Variants in SPIRE1 observed in about 807,000 individuals in gnomAD.
The protein encoded by SPIRE1 is protein spire homolog 1.
SPIRE1 carries 40 observed loss-of-function variants against 94.1 expected under a neutral mutation model. That is an observed-to-expected ratio of 0.43 (90% confidence interval 0.33 to 0.55). The LOEUF (loss-of-function observed/expected upper bound fraction) is 0.55. Among genes scored for constraint, SPIRE1 ranks in the 20% least tolerant of loss-of-function variants. SPIRE1 has a pLI of 0.06. For missense variants in SPIRE1, 838 were observed against 975.2 expected (o/e 0.86, Z 1.87); for synonymous variants, 376 against 371.7 (o/e 1.01, Z -0.13).
intron 2 of SPIRE1, among the ~76,000 whole-genome samples, chr18:12,549,439 G>GTTTTTTTGTTT (rs2035276482): frequency 2.4e-5 from 1 of 41,248 alleles, no homozygotes; most frequent in South Asian, 1.7e-3. Flanking sequence ...TGTTATTGTT[G>GTTTTTTTGTTT]TTTTTTTTTT....
intron 6 of SPIRE1, among the ~76,000 whole-genome samples, chr18:12,499,950 A>G (rs2033599075): frequency 6.6e-6 from 1 of 152,228 alleles, no homozygotes; most frequent in Non-Finnish European, 1.5e-5. Flanking sequence ...CAGCCATAAA[A>G]AAAGAATGAA....
At chr18:12,523,322 G>C (rs1002087737) in intron 4 of SPIRE1, among the ~76,000 whole-genome samples, 2 of 152,234 alleles carry the variant, frequency 1.3e-5, no homozygotes, top group Admixed American at 6.5e-5. Flanking sequence ...GATGAGCAAG[G>C]AAAGTAGTTT....
intron 1 of SPIRE1, among the ~76,000 whole-genome samples, chr18:12,652,414 A>G (rs1236072820): frequency 1.3e-5 from 2 of 152,154 alleles, no homozygotes; most frequent in African/African-American, 2.4e-5. Flanking sequence ...GGAGAAAATA[A>G]AATGTTAAAT....
intron 2 of SPIRE1, among the ~76,000 whole-genome samples, chr18:12,624,187 GT>G (rs1291451682): frequency 1.3e-5 from 2 of 151,700 alleles, no homozygotes; most frequent in Non-Finnish European, 2.9e-5. Flanking sequence ...CTCCCAAAGT[GT>G]TGGGATTACA....
At chr18:12,528,056 CAAA>C (rs149869128) in intron 4 of SPIRE1, among the ~76,000 whole-genome samples, 12 of 138,380 alleles carry the variant, frequency 8.7e-5, no homozygotes, top group Admixed American at 1.5e-4. Context: ...GACTCTATCT[CAAA>C]AAAAAAAAAA....
At chr18:12,551,367 G>A (rs948384443) in intron 2 of SPIRE1, among the ~76,000 whole-genome samples, 3 of 152,068 alleles carry the variant, frequency 2.0e-5, no homozygotes, top group African/African-American at 7.2e-5. Context: ...AAAATATTTA[G>A]TAGAAATCTT....
intron 5 of SPIRE1, among the ~76,000 whole-genome samples, chr18:12,507,069 C>T (rs1372324469): frequency 6.6e-6 from 1 of 152,176 alleles, no homozygotes; most frequent in Non-Finnish European, 1.5e-5. Context: ...GGGCTTGTCC[C>T]TTGTGTTTCT....
intron 2 of SPIRE1, among the ~76,000 whole-genome samples, chr18:12,604,847 A>C (rs1339873881): frequency 6.6e-6 from 1 of 152,210 alleles, no homozygotes; most frequent in Non-Finnish European, 1.5e-5. Context: ...GGTAGAAGCA[A>C]CCAGTTGTCC....
chr18:12,476,572 T>A (rs1372296011), intron 10 of SPIRE1, among the ~76,000 whole-genome samples: 11,973 of 85,114 alleles, frequency 0.14, 1,572 homozygotes, highest in East Asian at 0.27. Context: ...AAAATATATA[T>A]ATATATATAT....
rs560221220 is a variant in SPIRE1 at position 12,593,174 on chromosome 18, A to G, written c.372+41888T>C. The stretch of plus-strand genomic sequence containing the variant: ...AGAGTTGATGCCTAATTATTGCTTA[A>G]GAGAGGCTTAAAATATAAATTAAAA... On this transcript the variant is annotated intron_variant, in intron 2 of 16. Coordinates refer to ENST00000409402, the MANE Select transcript of SPIRE1 (RefSeq NM_001128626.2). Among the ~76,000 whole-genome samples, 25 of 152,350 alleles carry G rather than the reference A, an allele frequency of 1.6e-4. 1 individual carries two copies. The South Asian group carries it at 5.2e-3, about 32-fold the overall frequency.
chr18:12,483,023 C>A (rs1034659181), intron 9 of SPIRE1, among the ~76,000 whole-genome samples: 1 of 151,344 alleles, frequency 6.6e-6, no homozygotes, highest in African/African-American at 2.4e-5. Context: ...TCACTGCAGC[C>A]TTGACCTCTC....
intron 2 of SPIRE1, among the ~76,000 whole-genome samples, chr18:12,632,336 G>C (rs549457705): frequency 1.3e-5 from 2 of 151,994 alleles, no homozygotes; most frequent in Non-Finnish European, 2.9e-5. Context: ...CCTGGCTCAC[G>C]CACTCCAGGC....
intron 6 of SPIRE1, among the ~76,000 whole-genome samples, chr18:12,498,428 A>T (rs1176989464): frequency 6.6e-6 from 1 of 152,186 alleles, no homozygotes; most frequent in Non-Finnish European, 1.5e-5. Context: ...TATTTTACTT[A>T]GTAGAGATGG....
intron 2 of SPIRE1, among the ~76,000 whole-genome samples, chr18:12,617,159 ATTT>A (rs60768224): frequency 0.014 from 1,890 of 137,446 alleles, 29 homozygotes; most frequent in Admixed American, 0.022. Context: ...CATGCTCACT[ATTT>A]TTTTTTTTTT....
Position 12,447,869 on chromosome 18 carries a change from G to A in SPIRE1, c.*1769C>T, listed in dbSNP as rs926279231. The A allele has an allele frequency of 6.6e-6, 1 of 152,120 alleles. No individual in the cohort carries two copies. Among genetic ancestry groups the A allele is most frequent in the Admixed American group, 6.5e-5 (1 of 15,278 alleles). 9.4% of individuals were successfully genotyped at this position (152,120 alleles called of 1,614,324 possible). On this transcript the variant is annotated 3_prime_UTR_variant, in exon 17 of 17. Transcript: ENST00000409402. ...CTTCCCCCTTGTGCCCTTCTGGGTA[G>A]TCATTTTAAAAACTCAAGCCTGGGG...
At chr18:12,554,529 C>T (rs2035446480) in intron 2 of SPIRE1, among the ~76,000 whole-genome samples, 1 of 152,096 alleles carries the variant, frequency 6.6e-6, no homozygotes, top group Admixed American at 6.5e-5. Context: ...AATCCTAGGA[C>T]CCAATAGCTT....
chr18:12,489,936 A>G (rs772471437), intron 8 of SPIRE1, among the ~76,000 whole-genome samples: 5 of 152,236 alleles, frequency 3.3e-5, no homozygotes, highest in African/African-American at 7.2e-5. Flanking sequence ...TTGCAATTAC[A>G]TGTAGGGGAA....
chr18:12,646,356 C>T (rs564949006), intron 1 of SPIRE1, among the ~76,000 whole-genome samples: 2 of 152,262 alleles, frequency 1.3e-5, no homozygotes, highest in East Asian at 3.9e-4. Flanking sequence ...AAAATTATTG[C>T]ACTGTACTGT....
At chr18:12,614,190 G>A (rs867449985) in intron 2 of SPIRE1, among the ~76,000 whole-genome samples, 7 of 152,158 alleles carry the variant, frequency 4.6e-5, no homozygotes, top group African/African-American at 1.7e-4. Context: ...GAGCCCAGAA[G>A]GTGCAGACTG....
Sources: gnomAD v4.1 joint callset for allele counts (sites outside exome capture counted in the v4.1 genomes callset) on GRCh38, gnomAD v4.1.1 for gene constraint, MANE v1.5 for transcripts, NCBI Gene and HGNC (gene_info 2026-07-23, HGNC 2026-07-21) for gene names.